The following CPQ variants were observed in gnomAD, a reference collection of about 807,000 sequenced individuals.
The protein encoded by CPQ is Ser-Met dipeptidase.
CPQ carries 37 observed loss-of-function variants against 45.7 expected under a neutral mutation model. The observed-to-expected ratio is 0.81, with a 90% confidence interval of 0.62 to 1.07. The LOEUF (loss-of-function observed/expected upper bound fraction) is 1.07. Among genes scored for constraint, CPQ ranks in the 50% least tolerant of loss-of-function variants. The probability of loss-of-function intolerance (pLI) is 0.00; values close to 1 mark genes in which losing one functional copy is unlikely to be tolerated. For synonymous variants in CPQ, 186 were observed against 205.8 expected (o/e 0.90, Z 0.82); for missense variants, 537 against 572.9 (o/e 0.94, Z 0.64).
intron 6 of CPQ, among the ~76,000 whole-genome samples, chr8:97,031,871 G>A (rs1230657766): frequency 5.3e-5 from 8 of 152,080 alleles, no homozygotes; most frequent in South Asian, 2.1e-4. Flanking sequence ...TCTTTACCTC[G>A]CCTTTAAAAA....
chr8:97,102,977 C>A (rs890173105), intron 7 of CPQ, among the ~76,000 whole-genome samples: 1 of 152,134 alleles, frequency 6.6e-6, no homozygotes, highest in Non-Finnish European at 1.5e-5. Flanking sequence ...GAATCTATTT[C>A]CTTGCCTTCT....
chr8:96,809,548 G>A (rs1006612708), intron 2 of CPQ, among the ~76,000 whole-genome samples: 1 of 152,100 alleles, frequency 6.6e-6, no homozygotes, highest in Non-Finnish European at 1.5e-5. Context: ...CAAAACTTTA[G>A]CAACAGAAAT....
intron 5 of CPQ, among the ~76,000 whole-genome samples, chr8:97,006,607 T>G (rs1295916739): frequency 3.3e-5 from 5 of 152,186 alleles, no homozygotes; most frequent in African/African-American, 1.2e-4. Context: ...CCTATATGAA[T>G]TGGTTATTAC....
chr8:96,962,917 A>G (rs1349851327), intron 4 of CPQ, among the ~76,000 whole-genome samples: 1 of 152,220 alleles, frequency 6.6e-6, no homozygotes, highest in African/African-American at 2.4e-5. Flanking sequence ...ATTTAAAAAA[A>G]TATACTAAAA....
chr8:97,032,373 T>C (rs1809922809), intron 6 of CPQ, among the ~76,000 whole-genome samples: 1 of 152,164 alleles, frequency 6.6e-6, no homozygotes, highest in African/African-American at 2.4e-5. Flanking sequence ...TAGGAGGTTT[T>C]TATGGGACAG....
chr8:96,751,852 A>T (rs1810266556), intron 1 of CPQ, among the ~76,000 whole-genome samples: 2 of 152,216 alleles, frequency 1.3e-5, no homozygotes, highest in Non-Finnish European at 2.9e-5. Flanking sequence ...AATTTTCTGC[A>T]TATGGCTAGC....
At chr8:96,931,150 A>G (rs549426949) in intron 4 of CPQ, among the ~76,000 whole-genome samples, 14 of 152,350 alleles carry the variant, frequency 9.2e-5, no homozygotes, top group Admixed American at 7.8e-4. Flanking sequence ...GCTATTAGGT[A>G]TTAGGTAACA....
chr8:96,981,673 A>G (rs1813898304), intron 5 of CPQ, among the ~76,000 whole-genome samples: 1 of 152,220 alleles, frequency 6.6e-6, no homozygotes, highest in African/African-American at 2.4e-5. Context: ...TTTTGTTGCA[A>G]AAAACAATGG....
chr8:96,804,690 G>T (rs1811056110), intron 2 of CPQ, among the ~76,000 whole-genome samples: 1 of 151,850 alleles, frequency 6.6e-6, no homozygotes, highest in South Asian at 2.1e-4. Flanking sequence ...CCTGTTACCT[G>T]CTAATGTTCC....
At chr8:96,836,416 G>A (rs893125013) in intron 3 of CPQ, among the ~76,000 whole-genome samples, 1 of 152,142 alleles carries the variant, frequency 6.6e-6, no homozygotes, top group African/African-American at 2.4e-5. Context: ...AAAACTACAT[G>A]TTAGAAAGTT....
At chr8:97,010,063 C>T (rs1201571321) in intron 5 of CPQ, among the ~76,000 whole-genome samples, 1 of 152,180 alleles carries the variant, frequency 6.6e-6, no homozygotes, top group African/African-American at 2.4e-5. Flanking sequence ...AGGAAGACTT[C>T]AGAACAGACC....
intron 5 of CPQ, among the ~76,000 whole-genome samples, chr8:96,988,011 T>C (rs1809021442): frequency 1.3e-5 from 2 of 152,188 alleles, no homozygotes; most frequent in African/African-American, 4.8e-5. Context: ...AGCAACTATG[T>C]AGGGTTTGTT....
In CPQ at chr8:96,861,080, T is replaced by A. The variant is rs965621969; in HGVS notation, c.642-18718T>A. 4.6e-5 allele frequency among the ~76,000 whole-genome samples: 7 copies of A among 152,150 alleles called. No individual in the cohort carries two copies. The South Asian group carries it at 1.2e-3, about 27-fold the overall frequency. ...CTCTTCTTTAAACAGTTGTTAAATC[T>A]CTCTTATGCATTTGACATTGGGCTT... On this transcript the variant is annotated intron_variant, in intron 3 of 7. Transcript: ENST00000220763.
intron 2 of CPQ, among the ~76,000 whole-genome samples, chr8:96,822,244 A>G (rs2130837987): frequency 6.6e-6 from 1 of 152,060 alleles, no homozygotes; most frequent in African/African-American, 2.4e-5. Context: ...TTTTTTTGGT[A>G]AGGCCGAATA....
At chr8:96,692,085 A>G (rs534682482) in intron 1 of CPQ, among the ~76,000 whole-genome samples, 1 of 152,254 alleles carries the variant, frequency 6.6e-6, no homozygotes, top group African/African-American at 2.4e-5. Context: ...CTGGAAAATG[A>G]ATCTTGAGTT....
chr8:96,802,657 G>GT (rs1279107557), intron 2 of CPQ, among the ~76,000 whole-genome samples: 4 of 152,054 alleles, frequency 2.6e-5, no homozygotes, highest in Non-Finnish European at 5.9e-5. Context: ...TTCTTCTTTA[G>GT]TAGTAGATGG....
intron 1 of CPQ, among the ~76,000 whole-genome samples, chr8:96,699,559 T>G (rs760802080): frequency 1.3e-5 from 2 of 152,154 alleles, no homozygotes; most frequent in Admixed American, 6.6e-5. Flanking sequence ...GAAGTGATTA[T>G]ACACATTGTA....
At chr8:96,961,469 T>C (rs1813460344) in intron 4 of CPQ, among the ~76,000 whole-genome samples, 1 of 152,184 alleles carries the variant, frequency 6.6e-6, no homozygotes, top group South Asian at 2.1e-4. Context: ...ATATATATTG[T>C]AAATGTCTTC....
At chr8:96,933,214 G>A (rs1586457286) in intron 4 of CPQ, among the ~76,000 whole-genome samples, 2 of 152,270 alleles carry the variant, frequency 1.3e-5, no homozygotes, top group South Asian at 4.1e-4. Flanking sequence ...GCTTTCAGTA[G>A]GCCCCAGCAA....
Sources: allele counts gnomAD v4.1 joint callset (sites outside exome capture counted in the v4.1 genomes callset), GRCh38; gene constraint gnomAD v4.1.1; transcripts MANE v1.5; gene names NCBI Gene and HGNC (gene_info 2026-07-23, HGNC 2026-07-21).